The following TEX9 variants were observed in gnomAD, a reference collection of about 807,000 sequenced individuals.
TEX9 encodes testis expressed 9, also known as testis-expressed protein 9.
TEX9 carries 74 observed loss-of-function variants against 59.6 expected under a neutral mutation model. The ratio of observed to expected loss-of-function variants is 1.24; its 90% CI spans 1.03 to 1.51. The LOEUF is 1.51. Among genes scored for constraint, TEX9 ranks in the 40% most tolerant of loss-of-function variants. The probability of loss-of-function intolerance (pLI) is 0.00; values close to 1 mark genes in which losing one functional copy is unlikely to be tolerated. For missense variants in TEX9, 522 were observed against 447.8 expected, an observed-to-expected ratio of 1.17 and a Z score of -1.49; for synonymous variants, 186 against 152.2, an observed-to-expected ratio of 1.22 and a Z score of -1.64.
At chr15:56,327,111 A>G (rs913873173) in intron 1 of TEX9, among the ~76,000 whole-genome samples, 9 of 152,320 alleles carry the variant, frequency 5.9e-5, no homozygotes, top group Non-Finnish European at 1.2e-4. Flanking sequence ...AAATGCATAT[A>G]TACTTGAATA....
the TEX9 span, among the ~76,000 whole-genome samples, chr15:56,455,518 C>T: frequency 8.5e-5 from 13 of 152,122 alleles, no homozygotes; most frequent in Admixed American, 2.6e-4. Flanking sequence ...CTACAGACGT[C>T]CTGCTCAATT....
chr15:56,446,873 C>T (rs145872717), downstream of TEX9: 9 of 1,610,232 alleles, frequency 5.6e-6, no homozygotes, highest in African/African-American at 2.7e-5. Flanking sequence ...TCCTTTTCAG[C>T]AATCTGAGCT....
chr15:56,389,031 T>A (rs2048089158), intron 5 of TEX9, among the ~76,000 whole-genome samples: 1 of 152,046 alleles, frequency 6.6e-6, no homozygotes, highest in African/African-American at 2.4e-5. Flanking sequence ...AACTAAATTC[T>A]GTGAGTCAGA....
chr15:56,339,404 A>AGAAAAAAACAAAAC (rs2046328693), intron 1 of TEX9, among the ~76,000 whole-genome samples: 3 of 138,690 alleles, frequency 2.2e-5, no homozygotes, highest in Non-Finnish European at 4.7e-5. Context: ...AAAAAAAAAA[A>AGAAAAAAACAAAAC]AAAAAAAAAA....
At chr15:56,417,155 G>T (rs2049732074) in intron 10 of TEX9, among the ~76,000 whole-genome samples, 1 of 151,706 alleles carries the variant, frequency 6.6e-6, no homozygotes, top group Non-Finnish European at 1.5e-5. Flanking sequence ...CCAGCTCCTG[G>T]ATTCATTTAT....
At chr15:56,302,266 T>C (rs574403983) in intron 1 of TEX9, among the ~76,000 whole-genome samples, 11 of 151,056 alleles carry the variant, frequency 7.3e-5, no homozygotes, top group African/African-American at 2.2e-4. Flanking sequence ...GGCAGGAGGA[T>C]TGCTTGAGCC....
chr15:56,343,656 C>T (rs1049372489), intron 1 of TEX9, among the ~76,000 whole-genome samples: 9 of 152,030 alleles, frequency 5.9e-5, no homozygotes, highest in Non-Finnish European at 1.0e-4. Flanking sequence ...GAACTGACAC[C>T]TTAGAAACAC....
At chr15:56,330,011 C>T (rs2682021) in intron 1 of TEX9, among the ~76,000 whole-genome samples, 52,991 of 150,578 alleles carry the variant, frequency 0.35, 10,527 homozygotes, top group Non-Finnish European at 0.45. Context: ...AGAAAGGATC[C>T]TAAAAGGAGC....
intron 10 of TEX9, among the ~76,000 whole-genome samples, chr15:56,419,718 A>T (rs1248881221): frequency 6.6e-6 from 1 of 151,534 alleles, no homozygotes; most frequent in East Asian, 1.9e-4. Context: ...CATTATTTTC[A>T]TCTTTAGGTT....
intron 10 of TEX9, among the ~76,000 whole-genome samples, chr15:56,423,195 C>T (rs1348654155): frequency 6.6e-6 from 1 of 152,128 alleles, no homozygotes; most frequent in Non-Finnish European, 1.5e-5. Context: ...AATCTTCTTT[C>T]CTAATGTAAG....
At chr15:56,338,361 C>G (rs1207892376) in intron 1 of TEX9, among the ~76,000 whole-genome samples, 2 of 152,214 alleles carry the variant, frequency 1.3e-5, no homozygotes, top group Admixed American at 1.3e-4. Flanking sequence ...TCACATGATA[C>G]TGTTCTTTCA....
chr15:56,302,578 A>C (rs2045387915), intron 1 of TEX9, among the ~76,000 whole-genome samples: 1 of 152,074 alleles, frequency 6.6e-6, no homozygotes, highest in Admixed American at 6.6e-5. Context: ...AAAAAGCAAG[A>C]AAGTAAAACA....
At chr15:56,385,391 A>G (rs1248604911) in intron 4 of TEX9, among the ~76,000 whole-genome samples, 1 of 152,122 alleles carries the variant, frequency 6.6e-6, no homozygotes, top group Non-Finnish European at 1.5e-5. Context: ...GGACTTCATG[A>G]CTACTGATAC....
intron 3 of TEX9, among the ~76,000 whole-genome samples, chr15:56,382,604 C>T (rs1435561695): frequency 6.6e-6 from 1 of 152,120 alleles, no homozygotes; most frequent in Non-Finnish European, 1.5e-5. Flanking sequence ...CTGGGTCCTT[C>T]CCTTCAAGGC....
At chr15:56,377,059 C>T (rs1385570777) in intron 3 of TEX9, among the ~76,000 whole-genome samples, 1 of 152,042 alleles carries the variant, frequency 6.6e-6, no homozygotes, top group African/African-American at 2.4e-5. Flanking sequence ...AATGAGTTCA[C>T]TGTAGGTATA....
chr15:56,379,526 T>C (rs1006114464), intron 3 of TEX9, among the ~76,000 whole-genome samples: 2 of 152,240 alleles, frequency 1.3e-5, no homozygotes, highest in African/African-American at 4.8e-5. Flanking sequence ...CTGTAGTCTT[T>C]GGATGAAATG....
At chr15:56,315,336 G>C (rs1225617757) in intron 1 of TEX9, among the ~76,000 whole-genome samples, 4 of 145,972 alleles carry the variant, frequency 2.7e-5, no homozygotes, top group African/African-American at 9.9e-5. Flanking sequence ...GCTCTTGTAA[G>C]GCAGGCCTGG....
At chr15:56,441,860 AAAG>A (rs2050819881) in intron 12 of TEX9, among the ~76,000 whole-genome samples, 1 of 151,796 alleles carries the variant, frequency 6.6e-6, no homozygotes, top group African/African-American at 2.4e-5. Context: ...TAAAAATACA[AAAG>A]AAAAAAATTA....
In TEX9 at chr15:56,427,655, C is replaced by G. The variant is rs755864666; in HGVS notation, c.1014C>G (p.Asn338Lys). ...AAATTGAAGTGTTAAAATCAGAAAA[C>G]AAGAAGCTAGAAAAACAAAAAGGAG... Residue 338 changes from asparagine (N) to lysine (K), a missense_variant, in exon 11 of 13, where the codon AAC (asparagine) becomes AAG (lysine). Physicochemically the swap from Asn to Lys is moderately conservative, Grantham distance 94. Transcript: ENST00000352903. 3.2e-6 allele frequency: 5 copies of G among 1,540,528 alleles called. No individual in the cohort carries two copies. In the East Asian group the frequency reaches 1.2e-4, roughly 37 times the overall value.
Sources: allele counts gnomAD v4.1 joint callset (sites outside exome capture counted in the v4.1 genomes callset), GRCh38; gene constraint gnomAD v4.1.1; transcripts MANE v1.5; gene names NCBI Gene and HGNC (gene_info 2026-07-23, HGNC 2026-07-21).